Variants in ZNF35 observed in about 807,000 individuals in gnomAD.
ZNF35 encodes the protein zinc finger protein 35.
Under a neutral mutation model 45.9 loss-of-function variants are expected in ZNF35, and 31 were observed. That is an observed-to-expected ratio of 0.68 (90% CI 0.51 to 0.91). The LOEUF (loss-of-function observed/expected upper bound fraction) is 0.91, where lower values mean the gene tolerates loss of function less well. ZNF35 is among the 40% of genes least tolerant of loss of function. ZNF35 has a pLI of 0.00. For synonymous variants in ZNF35, 205 were observed against 220.2 expected (o/e 0.93, Z 0.61); for missense variants, 515 against 625.4 (o/e 0.82, Z 1.88).
chr3:44,655,927 C>G (rs1703292650), intron 3 of ZNF35, among the ~76,000 whole-genome samples: 1 of 152,178 alleles, frequency 6.6e-6, no homozygotes, highest in Non-Finnish European at 1.5e-5. Context: ...GTCAGGGAGA[C>G]AGTGCAGCTA....
At position 44,659,882 on chromosome 3, in the gene ZNF35, TGTG is replaced by T. The variant is rs767699267; in HGVS notation, c.1523_1525del (p.Gly508del). ...GGAGAAGCCCTATGAATGTGAGAAG[TGTG>T]GTGCAGCTTTCATTTCCAACTCACA... On this transcript the variant is annotated inframe_deletion, in exon 4 of 4. Coordinates refer to ENST00000396056, the MANE Select transcript of ZNF35 (RefSeq NM_003420.4). The surrounding 1 kb of genome is among the most constrained non-coding windows in gnomAD (Gnocchi z 4.3). 1 of 1,604,466 alleles carries T rather than the reference TGTG, an allele frequency of 6.2e-7. No homozygotes were observed. The highest frequency in any genetic ancestry group is 8.5e-7 in the Non-Finnish European group (1 of 1,174,888).
Position 44,652,716 on chromosome 3 carries a change from C to G in ZNF35, c.337+15C>G, listed in dbSNP as rs1703226630. ...GAACTTTCTAGGTATGGTTCAGTTCCCTGATTCTGAATCTGACCATTGGGG... is the reference window on the plus strand; with the variant it reads ...GAACTTTCTAGGTATGGTTCAGTTCGCTGATTCTGAATCTGACCATTGGGG... On this transcript the variant is annotated intron_variant, in intron 3 of 3. Coordinates refer to ENST00000396056, the MANE Select transcript of ZNF35 (RefSeq NM_003420.4). 3 of 1,541,016 alleles carry G rather than the reference C, an allele frequency of 1.9e-6. No individual in the cohort carries two copies. The African/African-American group carries it at 4.2e-5, about 21-fold the overall frequency.
Position 44,659,088 on chromosome 3 carries a change from G to A in ZNF35, c.725G>A (p.Arg242Gln), listed in dbSNP as rs761299958. The A allele has an allele frequency of 3.1e-5, 50 of 1,614,048 alleles. No homozygotes were observed. The highest frequency in any genetic ancestry group is 7.7e-5 in the South Asian group (7 of 91,068). Residue 242 changes from arginine (R) to glutamine (Q), a missense_variant, in exon 4 of 4, where the codon CGA (arginine) becomes CAA (glutamine). Transcript: ENST00000396056. This position sits in a 1 kb window ranked among gnomAD's most constrained non-coding sequence, Gnocchi z 4.3. ...SQSANLVVHQ[R>Q]IHTGEKPFEC... ...AGTGCAAACCTCGTTGTGCATCAGC[G>A]AATCCACACTGGAGAGAAACCCTTT...
In ZNF35 at chr3:44,651,268, G is replaced by A. The variant is rs757721542; in HGVS notation, c.192+9G>A. On this transcript the variant is annotated intron_variant, in intron 2 of 3. Transcript: ENST00000396056. ...CAGAAGAGGAAGAAAAGGTAAACGG[G>A]GGCCTGAGAGGAAGAGGGGAGGAGA... 6.2e-7 allele frequency: 1 copy of A among 1,609,176 alleles called. No individual in the cohort carries two copies. Among genetic ancestry groups the A allele is most frequent in the Middle Eastern group, 1.7e-4 (1 of 6,022 alleles).
intron 1 of ZNF35, among the ~76,000 whole-genome samples, chr3:44,649,865 A>G (rs865939744): frequency 1.3e-5 from 2 of 152,220 alleles, no homozygotes; most frequent in African/African-American, 4.8e-5. Flanking sequence ...AGGTAGTTCT[A>G]TATGTGTTGT....
intron 3 of ZNF35, among the ~76,000 whole-genome samples, 167 bp downstream of exon 3, chr3:44,652,868 T>C (rs1394306986): frequency 6.6e-6 from 1 of 152,186 alleles, no homozygotes. Context: ...GCATTTGTCA[T>C]GGGAAGTGGC....
upstream of ZNF35, chr3:44,646,620 A>C (rs544906987): frequency 7.8e-6 from 6 of 771,484 alleles, no homozygotes; most frequent in South Asian, 9.0e-5. Flanking sequence ...TGAAAAAGAG[A>C]GGGGAGTGAA....
Position 44,659,950 on chromosome 3 carries a change from A to G in ZNF35, c.*3A>G. 1 of 1,532,822 alleles carries G rather than the reference A, an allele frequency of 6.5e-7. No individual in the cohort carries two copies. Among genetic ancestry groups the G allele is most frequent in the East Asian group, 2.3e-5 (1 of 44,156 alleles). The allele number at this position is 1,532,822 out of a possible 1,614,324, so 95.0% of individuals were successfully genotyped here. ...ATAGAACCCATCTTGTTGAATAACA[A>G]GTAAGGAAGAGGAAGACCTCCAGCA... is the stretch of plus-strand genomic sequence containing the variant. On this transcript the variant is annotated 3_prime_UTR_variant, in exon 4 of 4. Transcript: ENST00000396056. This position sits in a 1 kb window ranked among gnomAD's most constrained non-coding sequence, Gnocchi z 4.3.
chr3:44,652,470 A>G, intron 2 of ZNF35, 87 bp from the exon 3 acceptor site: 2 of 1,311,996 alleles, frequency 1.5e-6, no homozygotes, highest in Non-Finnish European at 2.0e-6. Context: ...CTCCAGGAAT[A>G]GATAATTATG....
intron 1 of ZNF35, among the ~76,000 whole-genome samples, chr3:44,650,130 C>A (rs1316006070): frequency 6.6e-6 from 1 of 151,688 alleles, no homozygotes; most frequent in African/African-American, 2.4e-5. Context: ...CTATATATTT[C>A]TGTATTACTT....
chr3:44,653,137 G>A (rs73829673), intron 3 of ZNF35, among the ~76,000 whole-genome samples: 20 of 152,258 alleles, frequency 1.3e-4, no homozygotes, highest in East Asian at 9.7e-4. Context: ...GGTTTATGTC[G>A]CATTTTCACT....
In ZNF35 at chr3:44,659,562, G is replaced by A. The variant is rs1559485389; in HGVS notation, c.1199G>A (p.Ser400Asn). ...TGTAAAGAGTGTGGGAAAGCCTTTA[G>A]TTGTTTTTCACACCTTATTGTGCAC... Reference protein sequence around the residue: ...YECKECGKAFSCFSHLIVHQR... With the variant: ...YECKECGKAFNCFSHLIVHQR... The change falls in exon 4 of 4, where the codon AGT (serine) becomes AAT (asparagine). Residue 400 changes from serine to asparagine, a missense_variant. By Grantham distance (46) the Ser-to-Asn change is conservative. Coordinates refer to ENST00000396056, the MANE Select transcript of ZNF35 (RefSeq NM_003420.4). The surrounding 1 kb of genome is among the most constrained non-coding windows in gnomAD (Gnocchi z 4.3). 6.2e-7 allele frequency: 1 copy of A among 1,613,984 alleles called. No homozygotes were observed. Among genetic ancestry groups the A allele is most frequent in the Admixed American group, 1.7e-5 (1 of 60,010 alleles).
upstream of ZNF35, chr3:44,646,542 CAG>C: frequency 8.0e-7 from 1 of 1,254,448 alleles, no homozygotes. Flanking sequence ...CCACGAGAAA[CAG>C]ACACATCCAG....
At chr3:44,655,244 A>C (rs1703278839) in intron 3 of ZNF35, among the ~76,000 whole-genome samples, 1 of 152,208 alleles carries the variant, frequency 6.6e-6, no homozygotes, top group Admixed American at 6.5e-5. Flanking sequence ...AAAACATTCC[A>C]AACACCTAAC....
intron 3 of ZNF35, among the ~76,000 whole-genome samples, chr3:44,654,180 A>G (rs1231483509): frequency 2.0e-5 from 3 of 152,088 alleles, no homozygotes; most frequent in African/African-American, 7.2e-5. Context: ...CCCTTTTCCT[A>G]CTTTGCCTCT....
intron 1 of ZNF35, among the ~76,000 whole-genome samples, 170 bp from the exon 2 acceptor site, chr3:44,650,771 A>G (rs905114910): frequency 9.9e-5 from 15 of 152,246 alleles, no homozygotes; most frequent in African/African-American, 3.6e-4. Context: ...GATATTACAT[A>G]TTTATAGTCC....
chr3:44,659,778 A>G lies in ZNF35; in HGVS notation c.1415A>G (p.Lys472Arg). ...LIHQRIHNGE[K>R]PYTCNECGKA... Reference sequence around the variant, plus strand: ...CATCAGAGAATTCATAATGGAGAAAAACCTTACACATGTAATGAGTGTGGG... The same window carrying G: ...CATCAGAGAATTCATAATGGAGAAAGACCTTACACATGTAATGAGTGTGGG... Residue 472 changes from lysine to arginine, a missense_variant, in exon 4 of 4, where the codon AAA (lysine) becomes AGA (arginine). Physicochemically the swap from Lys to Arg is conservative, Grantham distance 26. This residue lies in a region of ZNF35 where 232 missense variants were observed against 304.6 expected (regional missense o/e 0.76). Transcript: ENST00000396056. This position sits in a 1 kb window ranked among gnomAD's most constrained non-coding sequence, Gnocchi z 4.3. 1 of 1,613,840 alleles carries G rather than the reference A, an allele frequency of 6.2e-7. No individual in the cohort carries two copies. Among genetic ancestry groups the G allele is most frequent in the Non-Finnish European group, 8.5e-7 (1 of 1,179,922 alleles).
chr3:44,646,578 G>T (rs1249988426), upstream of ZNF35: 3 of 988,694 alleles, frequency 3.0e-6, no homozygotes, highest in Non-Finnish European at 4.9e-6. Flanking sequence ...GCATAAGAAA[G>T]CTGCCCTGGA....
chr3:44,659,646 G>A lies in ZNF35; in HGVS notation c.1283G>A (p.Ser428Asn), dbSNP rs201560000. 1 of 1,614,158 alleles carries A rather than the reference G, an allele frequency of 6.2e-7. No individual in the cohort carries two copies. Among genetic ancestry groups the A allele is most frequent in the East Asian group, 2.2e-5 (1 of 44,886 alleles). The part of the protein sequence containing the change: ...YDCSECGKAF[S>N]QLSCLIVHQR... ...TGCAGCGAATGTGGGAAAGCCTTCA[G>A]TCAGCTCTCTTGCCTTATTGTCCAC... is the stretch of plus-strand genomic sequence containing the variant. The change falls in exon 4 of 4, where the codon AGT becomes AAT. Residue 428 changes from serine (S) to asparagine (N), a missense_variant. Physicochemically the swap from Ser to Asn is conservative, Grantham distance 46. Coordinates refer to ENST00000396056, the MANE Select transcript of ZNF35 (RefSeq NM_003420.4). This position sits in a 1 kb window ranked among gnomAD's most constrained non-coding sequence, Gnocchi z 4.3.
Sources: gnomAD v4.1 joint callset for allele counts (sites outside exome capture counted in the v4.1 genomes callset) on GRCh38, gnomAD v4.1.1 for gene constraint, gnomAD v4.1.1 regional missense constraint, Gnocchi (gnomAD v3.1) non-coding constraint, MANE v1.5 for transcripts, NCBI Gene and HGNC (gene_info 2026-07-23, HGNC 2026-07-21) for gene names.